Variants in LRP1B observed in about 807,000 individuals in gnomAD.
LRP1B encodes low-density lipoprotein receptor-related protein 1B.
Under a neutral mutation model 556.6 loss-of-function variants are expected in LRP1B, and 217 were observed. That is an observed-to-expected ratio of 0.39 (90% CI 0.35 to 0.44). LRP1B has a LOEUF of 0.44. Among genes scored for constraint, LRP1B ranks in the 20% least tolerant of loss-of-function variants. The pLI is 1.00. For synonymous variants in LRP1B, 2,047 were observed against 1,865.8 expected (o/e 1.10, Z -2.50); for missense variants, 5,053 against 5,620.8 (o/e 0.90, Z 3.23).
chr2:142,083,604 T>C (rs1004372339), intron 1 of LRP1B, among the ~76,000 whole-genome samples: 3 of 152,218 alleles, frequency 2.0e-5, no homozygotes, highest in Non-Finnish European at 4.4e-5. Flanking sequence ...GATGGAGCTA[T>C]AGTATATATT....
intron 1 of LRP1B, among the ~76,000 whole-genome samples, chr2:141,864,849 T>A (rs1352379226): frequency 6.6e-6 from 1 of 152,018 alleles, no homozygotes; most frequent in Admixed American, 6.6e-5. Flanking sequence ...GCCACTGCAC[T>A]CCAGCCTGGG....
chr2:141,183,687 G>A (rs142917255), intron 7 of LRP1B, among the ~76,000 whole-genome samples: 299 of 152,096 alleles, frequency 2.0e-3, no homozygotes, highest in Non-Finnish European at 3.3e-3. Context: ...AAGGGTATAT[G>A]TTGTCCTTGG....
intron 1 of LRP1B, among the ~76,000 whole-genome samples, chr2:142,080,537 T>A (rs967372259): frequency 1.3e-5 from 2 of 151,974 alleles, no homozygotes; most frequent in African/African-American, 4.8e-5. Context: ...AAAAAATAAA[T>A]AAATAAATAA....
intron 1 of LRP1B, among the ~76,000 whole-genome samples, chr2:141,970,116 A>G (rs758989533): frequency 5.9e-5 from 9 of 151,386 alleles, no homozygotes; most frequent in Non-Finnish European, 1.2e-4. Flanking sequence ...GCCCATTTTA[A>G]AATCAGATTA....
At chr2:140,508,236 GATA>G (rs1453622782) in intron 52 of LRP1B, among the ~76,000 whole-genome samples, 2 of 151,952 alleles carry the variant, frequency 1.3e-5, no homozygotes, top group African/African-American at 4.8e-5. Context: ...TCAAGACTCA[GATA>G]ATATTATCAC....
At chr2:141,351,027 T>G (rs1688425035) in intron 3 of LRP1B, among the ~76,000 whole-genome samples, 1 of 152,060 alleles carries the variant, frequency 6.6e-6, no homozygotes, top group Non-Finnish European at 1.5e-5. Flanking sequence ...TTGGCAATAA[T>G]CTAATCATTA....
intron 5 of LRP1B, among the ~76,000 whole-genome samples, chr2:141,241,761 G>C (rs928313227): frequency 6.6e-6 from 1 of 151,714 alleles, no homozygotes; most frequent in African/African-American, 2.4e-5. Flanking sequence ...TTTCATGCAC[G>C]CATACGTGAT....
chr2:141,685,372 G>A lies in LRP1B; in HGVS notation c.205+124907C>T, dbSNP rs184290080. Among the ~76,000 whole-genome samples the A allele has an allele frequency of 2.7e-4, 41 of 152,100 alleles. No homozygotes were observed. The South Asian group carries it at 2.7e-3, about 10-fold the overall frequency. ...TTTTGGACTTTAAATTGATGATGTC[G>A]TAATTGGATTGAGATTTTTGCAAAT... On this transcript the variant is annotated intron_variant, in intron 2 of 90. Transcript: ENST00000389484.
At position 140,233,196 on chromosome 2, in the gene LRP1B, G is replaced by C. The variant is rs1680542967; in HGVS notation, c.13790C>G (p.Thr4597Arg). The C allele has an allele frequency of 6.3e-7, 1 of 1,592,976 alleles. No individual in the cohort carries two copies. The highest frequency in any genetic ancestry group is 1.1e-5 in the South Asian group (1 of 89,646). ...PKKIEIGIRETVA is the reference protein window; with the variant it reads ...PKKIEIGIRERVA ...AAAAGATATCACTGATTATGCCACT[G>C]TCTCTCTTATACCAATTTCTATTTT... The change falls in exon 91 of 91, where the codon ACA (threonine) becomes AGA (arginine). Residue 4597 changes from threonine (T) to arginine (R), a missense_variant. Around this residue, in one of 5 missense-constraint regions of LRP1B, gnomAD observed 551 missense variants for 592.0 expected, o/e 0.93. Transcript: ENST00000389484.
At chr2:141,147,940 T>G (rs1006512700) in intron 7 of LRP1B, among the ~76,000 whole-genome samples, 1 of 152,202 alleles carries the variant, frequency 6.6e-6, no homozygotes, top group Non-Finnish European at 1.5e-5. Context: ...TACAGTAACA[T>G]GCTGTGCAAG....
In LRP1B at chr2:141,597,055, T is replaced by TACACAC. The variant is rs35647921; in HGVS notation, c.206-116528_206-116523dup. Among the ~76,000 whole-genome samples the TACACAC allele has an allele frequency of 4.0e-3, 587 of 147,366 alleles. 24 individuals are homozygous for TACACAC. In the East Asian group the frequency reaches 0.098, roughly 25 times the overall value. ...CACAAACACATAAGTTCTGACATTT[T>TACACAC]ACACACACACACACACACACACACA... On this transcript the variant is annotated intron_variant, in intron 2 of 90. Transcript: ENST00000389484.
chr2:141,338,553 T>G (rs1292058039), intron 3 of LRP1B, among the ~76,000 whole-genome samples: 1 of 152,082 alleles, frequency 6.6e-6, no homozygotes, highest in Non-Finnish European at 1.5e-5. Flanking sequence ...TGTATCAGAG[T>G]TCTAATTAGC....
intron 11 of LRP1B, among the ~76,000 whole-genome samples, chr2:141,031,110 T>C (rs1330155626): frequency 6.6e-6 from 1 of 151,956 alleles, no homozygotes; most frequent in East Asian, 1.9e-4. Context: ...GCTACTGTTA[T>C]ACAGCAACAG....
chr2:140,799,701 T>C (rs1283317251), intron 32 of LRP1B, among the ~76,000 whole-genome samples: 1 of 152,230 alleles, frequency 6.6e-6, no homozygotes, highest in African/African-American at 2.4e-5. Context: ...AGTATATCTA[T>C]AGGACAGATT....
chr2:141,717,185 C>T (rs1233351029), intron 2 of LRP1B, among the ~76,000 whole-genome samples: 1 of 152,092 alleles, frequency 6.6e-6, no homozygotes, highest in Non-Finnish European at 1.5e-5. Flanking sequence ...TTTTAATAGT[C>T]CAGAAAGCAA....
intron 1 of LRP1B, among the ~76,000 whole-genome samples, chr2:142,052,419 A>T (rs1465334675): frequency 2.0e-5 from 3 of 151,888 alleles, no homozygotes; most frequent in Non-Finnish European, 4.4e-5. Flanking sequence ...ATTATCCATG[A>T]CTCTTGACAA....
At position 140,234,732 on chromosome 2, in the gene LRP1B, T is replaced by C. The variant is rs910735094; in HGVS notation, c.13659+54A>G. On this transcript the variant is annotated intron_variant, in intron 90 of 90. Coordinates refer to ENST00000389484, the MANE Select transcript of LRP1B (RefSeq NM_018557.3). ...TCTAAGTCTAGTAATTAGTCTTTGA[T>C]TGTGAGGGTTCTGTGATGAAACGGA... The C allele has an allele frequency of 1.3e-5, 10 of 746,298 alleles. No homozygotes were observed. In the East Asian group the frequency reaches 2.5e-4, roughly 18 times the overall value. The allele number at this position is 746,298 out of a possible 1,614,324, so 46.2% of individuals were successfully genotyped here.
At chr2:141,716,955 C>T in intron 2 of LRP1B, among the ~76,000 whole-genome samples, 1 of 48,172 alleles carries the variant, frequency 2.1e-5, no homozygotes, top group Admixed American at 3.1e-4. Context: ...ATTTTCTCCC[C>T]CAGCATGATC....
Position 142,109,283 on chromosome 2 carries a change from C to T in LRP1B, c.82+21365G>A, listed in dbSNP as rs144246823. On this transcript the variant is annotated intron_variant, in intron 1 of 90. Transcript: ENST00000389484. ...AGAGTGGACTTTGGGAGGGGAACAA[C>T]GGTTTCCCAAAGATTGTTATAGCTT... is the stretch of plus-strand genomic sequence containing the variant. Among the ~76,000 whole-genome samples, 441 of 152,208 alleles carry T rather than the reference C, an allele frequency of 2.9e-3. 3 individuals carry two copies. Among genetic ancestry groups the T allele is most frequent in the African/African-American group, 9.2e-3 (383 of 41,530 alleles).
Sources: allele counts gnomAD v4.1 joint callset (sites outside exome capture counted in the v4.1 genomes callset), GRCh38; gene constraint gnomAD v4.1.1; regional missense constraint gnomAD v4.1.1; transcripts MANE v1.5; gene names NCBI Gene and HGNC (gene_info 2026-07-23, HGNC 2026-07-21).